TFCP2L1: variants seen among roughly 807,000 people sequenced by gnomAD.
TFCP2L1 encodes the protein transcription factor CP2-like protein 1.
TFCP2L1 carries 12 observed loss-of-function variants against 72.2 expected under a neutral mutation model. The ratio of observed to expected loss-of-function variants is 0.17; its 90% CI spans 0.11 to 0.27. TFCP2L1 has a LOEUF of 0.27. Among genes scored for constraint, TFCP2L1 ranks in the 10% least tolerant of loss-of-function variants. The pLI is 1.00. For missense variants in TFCP2L1, 488 were observed against 624.6 expected (o/e 0.78, Z 2.33); for synonymous variants, 260 against 251.0 (o/e 1.04, Z -0.34).
At position 121,281,104 on chromosome 2, in the gene TFCP2L1, G is replaced by T; in HGVS notation, c.214+16C>A. 1 of 1,613,828 alleles carries T rather than the reference G, an allele frequency of 6.2e-7. No individual in the cohort carries two copies. The highest frequency in any genetic ancestry group is 8.5e-7 in the Non-Finnish European group (1 of 1,179,984). ...ACTTCTGGGTTCCGCCCTGGCCCGG[G>T]GCCTCTGGCCACTACCTTGGTTGAG... On this transcript the variant is annotated intron_variant, in intron 2 of 14. Coordinates refer to ENST00000263707, the MANE Select transcript of TFCP2L1 (RefSeq NM_014553.3).
chr2:121,257,430 GT>G (rs1686750120), intron 2 of TFCP2L1, among the ~76,000 whole-genome samples: 1 of 152,200 alleles, frequency 6.6e-6, no homozygotes, highest in Admixed American at 6.5e-5. Context: ...ACACAAACGG[GT>G]GTGGAAACTT....
Position 121,249,556 on chromosome 2 carries a change from G to C in TFCP2L1, c.291+15C>G. Reference sequence around the variant, plus strand: ...CCCTCTCCCCGAGGCAATGAGAACAGCCTGTGAGGCTTACCTTGACATATT... The same window carrying C: ...CCCTCTCCCCGAGGCAATGAGAACACCCTGTGAGGCTTACCTTGACATATT... On this transcript the variant is annotated intron_variant, in intron 3 of 14. Coordinates refer to ENST00000263707, the MANE Select transcript of TFCP2L1 (RefSeq NM_014553.3). 6.2e-7 allele frequency: 1 copy of C among 1,613,644 alleles called. No homozygotes were observed. Among genetic ancestry groups the C allele is most frequent in the Non-Finnish European group, 8.5e-7 (1 of 1,179,762 alleles).
chr2:121,232,386 G>A (rs145959384), intron 12 of TFCP2L1, among the ~76,000 whole-genome samples: 20 of 152,032 alleles, frequency 1.3e-4, no homozygotes, highest in Non-Finnish European at 4.4e-5. Flanking sequence ...TGATCCGCTC[G>A]CCTCAGCCTC....
chr2:121,280,182 A>C (rs955099482), intron 2 of TFCP2L1, among the ~76,000 whole-genome samples: 2 of 151,564 alleles, frequency 1.3e-5, no homozygotes, highest in African/African-American at 4.9e-5. Context: ...ACATGAAAAC[A>C]CTGAGGTTCA....
At chr2:121,228,772 C>CAAAA (rs59300568) in intron 13 of TFCP2L1, among the ~76,000 whole-genome samples, 2,536 of 57,948 alleles carry the variant, frequency 0.044, 268 homozygotes, top group Middle Eastern at 0.08. Context: ...CCGTGACTCA[C>CAAAA]AAAAAAAAAA....
In TFCP2L1 at chr2:121,239,642, G is replaced by A; in HGVS notation, c.776C>T (p.Pro259Leu). The A allele has an allele frequency of 6.2e-7, 1 of 1,614,100 alleles. No individual in the cohort carries two copies. Among genetic ancestry groups the A allele is most frequent in the Non-Finnish European group, 8.5e-7 (1 of 1,179,976 alleles). ...YETTILTECS[P>L]WPDVAYQVNS... ...CACCTGGTAGGCCACGTCGGGCCAT[G>A]GAGAGCACTGCAGGAGAGAGCACAG... is the stretch of plus-strand genomic sequence containing the variant. The change falls in exon 8 of 15, where the codon CCA becomes CTA. Residue 259 changes from proline to leucine, a missense_variant. Coordinates refer to ENST00000263707, the MANE Select transcript of TFCP2L1 (RefSeq NM_014553.3).
chr2:121,242,658 G>A (rs1686401474), intron 6 of TFCP2L1, among the ~76,000 whole-genome samples, 189 bp from the exon 7 acceptor site: 1 of 152,124 alleles, frequency 6.6e-6, no homozygotes. Flanking sequence ...ACCTGCCACG[G>A]GTCATGCACT....
At chr2:121,258,699 A>T (rs1004797069) in intron 2 of TFCP2L1, among the ~76,000 whole-genome samples, 1 of 152,212 alleles carries the variant, frequency 6.6e-6, no homozygotes, top group Non-Finnish European at 1.5e-5. Context: ...AAATGAGGGG[A>T]GACTGAAGAT....
chr2:121,275,870 T>TG (rs1376672906), intron 2 of TFCP2L1, among the ~76,000 whole-genome samples: 2 of 152,260 alleles, frequency 1.3e-5, no homozygotes, highest in East Asian at 3.9e-4. Context: ...CGCGCCCAGT[T>TG]GAGAAGGAAG....
chr2:121,275,092 T>A (rs1025341971), intron 2 of TFCP2L1, among the ~76,000 whole-genome samples: 10 of 151,782 alleles, frequency 6.6e-5, no homozygotes, highest in Admixed American at 1.3e-4. Flanking sequence ...AATAGTGAAA[T>A]AACATGTAGA....
chr2:121,254,097 G>A (rs376162286), intron 2 of TFCP2L1, among the ~76,000 whole-genome samples: 185 of 152,296 alleles, frequency 1.2e-3, no homozygotes, highest in African/African-American at 4.3e-3. Context: ...CCAGGACAGC[G>A]GGCTATGAGA....
In TFCP2L1 at chr2:121,230,878, C is replaced by T. The variant is rs370784908; in HGVS notation, c.1341+948G>A. On this transcript the variant is annotated intron_variant, in intron 13 of 14. Transcript: ENST00000263707. ...ATCACTTGAGCCCAAGAGTTCAAGA[C>T]CAGCCTGGGCAATGCAGCGAGACCC... is the stretch of plus-strand genomic sequence containing the variant. Among the ~76,000 whole-genome samples the T allele has an allele frequency of 3.5e-4, 54 of 152,252 alleles. 3 individuals are homozygous for T. The South Asian group carries it at 0.011, about 30-fold the overall frequency.
intron 2 of TFCP2L1, among the ~76,000 whole-genome samples, chr2:121,262,326 G>A (rs767309330): frequency 5.9e-5 from 9 of 152,058 alleles, no homozygotes; most frequent in South Asian, 2.1e-4. Flanking sequence ...TTAGCCGGGC[G>A]TGGTGGCGGG....
intron 2 of TFCP2L1, among the ~76,000 whole-genome samples, chr2:121,262,643 A>C (rs1167332164): frequency 6.6e-6 from 1 of 152,176 alleles, no homozygotes; most frequent in Non-Finnish European, 1.5e-5. Flanking sequence ...AATGCACACA[A>C]AGACTGTAGC....
Position 121,265,865 on chromosome 2 carries a change from C to CT in TFCP2L1, c.214+15254dup, listed in dbSNP as rs559969459. 6.3e-3 allele frequency among the ~76,000 whole-genome samples: 826 copies of CT among 131,590 alleles called. 4 individuals are homozygous for CT. The highest frequency in any genetic ancestry group is 0.022 in the South Asian group (90 of 4,022). The allele number at this position is 131,590 out of a possible 152,430, so 86.3% of individuals were successfully genotyped here. A position where few individuals can be genotyped will look rare whatever the true frequency, so the allele number is the denominator to read the frequency against. On this transcript the variant is annotated intron_variant, in intron 2 of 14. Coordinates refer to ENST00000263707, the MANE Select transcript of TFCP2L1 (RefSeq NM_014553.3). ...TGTACACATTCTTCCAAGTAGTAAT[C>CT]TTTTTTTTTTTTTTTTTTGAGACAG...
rs1685899449 is a variant in TFCP2L1 at position 121,219,888 on chromosome 2, C to A, written c.*4453G>T. 2 of 152,068 alleles carry A rather than the reference C, an allele frequency of 1.3e-5. No homozygotes were observed. The highest frequency in any genetic ancestry group is 2.4e-5 in the African/African-American group (1 of 41,384). The allele number at this position is 152,068 out of a possible 1,614,324, so 9.4% of individuals were successfully genotyped here. A position where few individuals can be genotyped will look rare whatever the true frequency, so the allele number is the denominator to read the frequency against. ...TATTTGTAAGAGGAGGAGATAGAGA[C>A]CCAGAGAGGCAAAGAGACTCATACT... is the stretch of plus-strand genomic sequence containing the variant. On this transcript the variant is annotated 3_prime_UTR_variant, in exon 15 of 15. Transcript: ENST00000263707.
intron 2 of TFCP2L1, among the ~76,000 whole-genome samples, chr2:121,254,727 T>C (rs1275296056): frequency 1.3e-5 from 2 of 151,530 alleles, no homozygotes; most frequent in African/African-American, 4.9e-5. Context: ...TGCTTGTATC[T>C]GCAAGGCAGA....
intron 2 of TFCP2L1, among the ~76,000 whole-genome samples, chr2:121,266,464 C>T (rs1686932475): frequency 6.6e-6 from 1 of 152,132 alleles, no homozygotes; most frequent in Admixed American, 6.5e-5. Context: ...GTTTATTAAA[C>T]CAGGGTCCTC....
At position 121,255,887 on chromosome 2, in the gene TFCP2L1, C is replaced by T. The variant is rs550958974; in HGVS notation, c.215-6240G>A. Among the ~76,000 whole-genome samples the T allele has an allele frequency of 2.0e-4, 30 of 152,142 alleles. No individual in the cohort carries two copies. In the East Asian group the frequency reaches 2.1e-3, roughly 11 times the overall value. On this transcript the variant is annotated intron_variant, in intron 2 of 14. Transcript: ENST00000263707. ...GCTCCCGAGTAGCTGGGACTGCAGG[C>T]GCCCGCCACCTCGCCCGGCTAATTT...
Sources: gnomAD v4.1 joint callset for allele counts (sites outside exome capture counted in the v4.1 genomes callset) on GRCh38, gnomAD v4.1.1 for gene constraint, MANE v1.5 for transcripts, NCBI Gene and HGNC (gene_info 2026-07-23, HGNC 2026-07-21) for gene names.